The following GYG1 variants were observed in gnomAD, a reference collection of about 807,000 sequenced individuals.
GYG1 encodes the protein glycogenin-1.
A neutral mutation model predicts 41.9 loss-of-function variants in GYG1; 44 were observed. That is an observed-to-expected ratio of 1.05 (90% CI 0.83 to 1.35). GYG1 has a LOEUF of 1.35. Ranked by LOEUF, GYG1 falls within the 40% of genes most tolerant of loss-of-function variation. GYG1 has a pLI of 0.00. For missense variants in GYG1, 429 were observed against 418.9 expected, an observed-to-expected ratio of 1.02 and a Z score of -0.21; for synonymous variants, 141 against 158.1, an observed-to-expected ratio of 0.89 and a Z score of 0.81.
At chr3:149,018,443 C>T (rs1714188572) in intron 5 of GYG1, among the ~76,000 whole-genome samples, 1 of 152,124 alleles carries the variant, frequency 6.6e-6, no homozygotes, top group Non-Finnish European at 1.5e-5. Context: ...AGGCAGAGAT[C>T]CCTCATATCA....
chr3:149,014,979 CTTAA>C lies in GYG1; in HGVS notation c.608+5580_608+5583del, dbSNP rs1409432215. On this transcript the variant is annotated intron_variant, in intron 5 of 7. Coordinates refer to ENST00000345003, the MANE Select transcript of GYG1 (RefSeq NM_004130.4). Reference sequence around the variant, plus strand: ...TTGTGCTACACAGAATTTTTTTTAACTTAATTGTCAATGCTTTAAAAATTAGGGA... The same window carrying C: ...TTGTGCTACACAGAATTTTTTTTAACTTGTCAATGCTTTAAAAATTAGGGA... Among the ~76,000 whole-genome samples the C allele has an allele frequency of 3.4e-3, 511 of 151,588 alleles. 2 individuals are homozygous for C. The highest frequency in any genetic ancestry group is 0.012 in the African/African-American group (492 of 41,366).
intron 6 of GYG1, 108 bp from the exon 7 acceptor site, chr3:149,026,344 T>C (rs1441872934): frequency 1.0e-5 from 8 of 790,928 alleles, no homozygotes; most frequent in Non-Finnish European, 1.9e-5. Flanking sequence ...TTGGGTATCA[T>C]TTTGTTTAAG....
intron 5 of GYG1, among the ~76,000 whole-genome samples, chr3:149,013,905 A>ACT (rs1191853694): frequency 4.6e-5 from 7 of 152,312 alleles, no homozygotes; most frequent in African/African-American, 7.2e-5. Context: ...TGACTCAGAA[A>ACT]GAGTTTGGGT....
chr3:148,999,221 C>G (rs116033627), intron 4 of GYG1, among the ~76,000 whole-genome samples: 1 of 152,170 alleles, frequency 6.6e-6, no homozygotes, highest in African/African-American at 2.4e-5. Context: ...CTGAAACCAC[C>G]GTGAGATTCT....
chr3:148,996,364 C>G lies in GYG1; in HGVS notation c.206C>G (p.Ser69Cys), dbSNP rs1483682431. 2.5e-6 allele frequency: 4 copies of G among 1,611,754 alleles called. No homozygotes were observed. In the African/African-American group the frequency reaches 5.3e-5, roughly 22 times the overall value. Residue 69 changes from serine to cysteine, a missense_variant, in exon 3 of 8, where the codon TCT (serine) becomes TGT (cysteine). Coordinates refer to ENST00000345003, the MANE Select transcript of GYG1 (RefSeq NM_004130.4). Reference protein sequence around the residue: ...IMVDVLDSGDSAHLTLMKRPE... With the variant: ...IMVDVLDSGDCAHLTLMKRPE... ...GTAGATGTCTTGGACAGTGGCGATT[C>G]TGCTCATCTAACCTTAATGAAGAGG...
At chr3:149,000,200 A>G (rs1713015894) in intron 4 of GYG1, among the ~76,000 whole-genome samples, 1 of 152,198 alleles carries the variant, frequency 6.6e-6, no homozygotes, top group African/African-American at 2.4e-5. Flanking sequence ...CTTTCTTCCT[A>G]AAATTCTATA....
intron 5 of GYG1, among the ~76,000 whole-genome samples, chr3:149,010,436 C>T (rs139691639): frequency 0.02 from 2,954 of 151,378 alleles, 102 homozygotes; most frequent in African/African-American, 0.068. Flanking sequence ...AAGTGATTCT[C>T]CTGCCTCAGC....
intron 5 of GYG1, among the ~76,000 whole-genome samples, chr3:149,015,026 G>T (rs1713940512): frequency 1.3e-5 from 2 of 152,084 alleles, no homozygotes; most frequent in African/African-American, 4.8e-5. Flanking sequence ...ATAAAACCCA[G>T]GTTTCCAATT....
rs148525550 is a variant in GYG1 at position 149,020,431 on chromosome 3, G to A, written c.609-3622G>A. Among the ~76,000 whole-genome samples, 1,097 of 152,368 alleles carry A rather than the reference G, an allele frequency of 7.2e-3. 10 individuals carry two copies. Among genetic ancestry groups the A allele is most frequent in the Non-Finnish European group, 9.5e-3 (648 of 68,046 alleles). On this transcript the variant is annotated intron_variant, in intron 5 of 7. Transcript: ENST00000345003. ...CATGGCTAAGAGCCTTGGCTCTGCAGCCAGACTGCCTGGATGGAATCCCAG... is the reference window on the plus strand; with the variant it reads ...CATGGCTAAGAGCCTTGGCTCTGCAACCAGACTGCCTGGATGGAATCCCAG...
Position 149,026,509 on chromosome 3 carries a change from A to G in GYG1, c.879+7A>G, listed in dbSNP as rs1178460295. On this transcript the variant is annotated splice_region_variant and intron_variant, in intron 7 of 7. Coordinates refer to ENST00000345003, the MANE Select transcript of GYG1 (RefSeq NM_004130.4). The stretch of plus-strand genomic sequence containing the variant: ...TTGTGGCTTCTGTAGAAAGGTATGC[A>G]GAACTTAAAGATTAACCCTAATTAC... The G allele has an allele frequency of 5.1e-6, 8 of 1,566,990 alleles. No individual in the cohort carries two copies. The highest frequency in any genetic ancestry group is 7.0e-6 in the Non-Finnish European group (8 of 1,136,976).
chr3:148,996,535 T>C (rs542283558), intron 3 of GYG1, 59 bp downstream of exon 3: 8 of 1,434,112 alleles, frequency 5.6e-6, no homozygotes, highest in Admixed American at 1.7e-5. Flanking sequence ...GATGGAGACC[T>C]GTAGGCATTT....
chr3:149,010,688 G>A (rs1298016573), intron 5 of GYG1, among the ~76,000 whole-genome samples: 1 of 152,146 alleles, frequency 6.6e-6, no homozygotes, highest in East Asian at 1.9e-4. Context: ...TTATCTCACT[G>A]TTAGGGACAG....
chr3:149,010,849 A>G lies in GYG1; in HGVS notation c.608+1447A>G, dbSNP rs550119245. On this transcript the variant is annotated intron_variant, in intron 5 of 7. Coordinates refer to ENST00000345003, the MANE Select transcript of GYG1 (RefSeq NM_004130.4). ...TTGGGCCAATCTCTGTCCCATATGG[A>G]CATTCCTGAGTTAGCGGAAAACAAA... Among the ~76,000 whole-genome samples, 30 of 152,304 alleles carry G rather than the reference A, an allele frequency of 2.0e-4. No homozygotes were observed. The South Asian group carries it at 6.2e-3, about 32-fold the overall frequency.
intron 5 of GYG1, among the ~76,000 whole-genome samples, chr3:149,019,167 T>C (rs1275741138): frequency 6.6e-6 from 1 of 152,126 alleles, no homozygotes; most frequent in African/African-American, 2.4e-5. Flanking sequence ...AGCATACCTA[T>C]GATATCTGAA....
intron 5 of GYG1, among the ~76,000 whole-genome samples, chr3:149,012,201 C>T (rs1713770914): frequency 6.6e-6 from 1 of 151,652 alleles, no homozygotes; most frequent in Non-Finnish European, 1.5e-5. Flanking sequence ...TGAAAGTAAC[C>T]CATTACAAGC....
intron 1 of GYG1, 113 bp downstream of exon 1, chr3:148,991,760 G>A (rs1712486138): frequency 2.3e-6 from 2 of 879,652 alleles, no homozygotes; most frequent in Non-Finnish European, 1.7e-6. Flanking sequence ...GGACGAAACC[G>A]CCGCAAAGTT....
chr3:149,026,440 A>C lies in GYG1; in HGVS notation c.829-12A>C, dbSNP rs1473385700. ...CCCATCCATCTTACACTTTCTAATG[A>C]ACTGTTTGCAGCTTTCAGACTTGGT... On this transcript the variant is annotated splice_polypyrimidine_tract_variant and intron_variant, in intron 6 of 7. Coordinates refer to ENST00000345003, the MANE Select transcript of GYG1 (RefSeq NM_004130.4). 1 of 1,566,374 alleles carries C rather than the reference A, an allele frequency of 6.4e-7. No individual in the cohort carries two copies. The highest frequency in any genetic ancestry group is 8.8e-7 in the Non-Finnish European group (1 of 1,136,676).
Position 149,009,375 on chromosome 3 carries a change from T to C in GYG1, c.581T>C (p.Ile194Thr). 6.2e-7 allele frequency: 1 copy of C among 1,613,200 alleles called. No individual in the cohort carries two copies. The highest frequency in any genetic ancestry group is 8.5e-7 in the Non-Finnish European group (1 of 1,179,094). The change falls in exon 5 of 8, where the codon ATA (isoleucine) becomes ACA (threonine). Residue 194 changes from isoleucine to threonine, a missense_variant. Ile to Thr is a moderately conservative substitution (Grantham distance 89). Transcript: ENST00000345003. ...PFIYNLSSIS[I>T]YSYLPAFKVF... ...ATTTATAACCTAAGCAGCATCTCTA[T>C]ATACTCCTACCTCCCGGCATTTAAA...
chr3:149,016,103 A>G (rs1714011225), intron 5 of GYG1, among the ~76,000 whole-genome samples: 1 of 151,864 alleles, frequency 6.6e-6, no homozygotes, highest in African/African-American at 2.4e-5. Context: ...TACTAAAAAT[A>G]CAAAAAAATT....
Sources: allele counts gnomAD v4.1 joint callset (sites outside exome capture counted in the v4.1 genomes callset), GRCh38; gene constraint gnomAD v4.1.1; transcripts MANE v1.5; gene names NCBI Gene and HGNC (gene_info 2026-07-23, HGNC 2026-07-21).